EGFLAM: variants seen among roughly 807,000 people sequenced by gnomAD.
EGFLAM encodes the protein pikachurin.
In EGFLAM, 79 loss-of-function variants were observed where a neutral mutation model predicts 113.1. That is an observed-to-expected ratio of 0.70 (90% confidence interval 0.58 to 0.84). EGFLAM has a LOEUF of 0.84. EGFLAM is among the 40% of genes least tolerant of loss of function. EGFLAM has a pLI of 0.00. For missense variants in EGFLAM, 1,265 were observed against 1,291.6 expected (o/e 0.98, Z 0.32); for synonymous variants, 504 against 487.6 (o/e 1.03, Z -0.44).
intron 6 of EGFLAM, among the ~76,000 whole-genome samples, chr5:38,372,620 G>A (rs926950315): frequency 1.2e-4 from 18 of 152,302 alleles, no homozygotes; most frequent in Middle Eastern, 6.8e-3. Flanking sequence ...GTTATGTGAA[G>A]TAAAATTTTA....
At chr5:38,339,586 T>A (rs764454326) in intron 3 of EGFLAM, among the ~76,000 whole-genome samples, 1 of 152,228 alleles carries the variant, frequency 6.6e-6, no homozygotes, top group African/African-American at 2.4e-5. Flanking sequence ...GCCACCACCC[T>A]CTGTTTTACA....
At position 38,350,428 on chromosome 5, in the gene EGFLAM, C is replaced by G. The variant is rs1739589487; in HGVS notation, c.292-73C>G. 8 of 1,447,282 alleles carry G rather than the reference C, an allele frequency of 5.5e-6. No individual in the cohort carries two copies. In the Admixed American group the frequency reaches 1.4e-4, roughly 26 times the overall value. The allele number at this position is 1,447,282 out of a possible 1,614,324, so 89.7% of individuals were successfully genotyped here. The stretch of plus-strand genomic sequence containing the variant: ...TTCACAGGGGCCTCGAGATATAAAC[C>G]TCATGGAAATTGTACAATTTGCCCA... On this transcript the variant is annotated intron_variant, in intron 3 of 21. Transcript: ENST00000322350.
In EGFLAM at chr5:38,358,309, A is replaced by T. The variant is rs912635658; in HGVS notation, c.545+5978A>T. Among the ~76,000 whole-genome samples the T allele has an allele frequency of 7.3e-5, 11 of 150,890 alleles. No homozygotes were observed. In the East Asian group the frequency reaches 1.8e-3, roughly 24 times the overall value. ...AAAATTCAAAAAAGTTGGCCGGGCG[A>T]GGTGGCGGGCACCTGTAGTCCCAGC... On this transcript the variant is annotated intron_variant, in intron 5 of 21. Transcript: ENST00000322350.
At chr5:38,405,900 G>T (rs1561072178) in intron 6 of EGFLAM, among the ~76,000 whole-genome samples, 1 of 152,182 alleles carries the variant, frequency 6.6e-6, no homozygotes, top group Non-Finnish European at 1.5e-5. Flanking sequence ...AGTATAAAAT[G>T]GAAGCTCTTT....
intron 11 of EGFLAM, 97 bp downstream of exon 11, chr5:38,412,745 G>C: frequency 5.4e-6 from 8 of 1,486,026 alleles, no homozygotes; most frequent in Non-Finnish European, 7.1e-6. Flanking sequence ...GAGTCTGCAG[G>C]ATTCAAGTTC....
chr5:38,400,506 C>T (rs1009352835), intron 6 of EGFLAM, among the ~76,000 whole-genome samples: 2 of 152,182 alleles, frequency 1.3e-5, no homozygotes, highest in Admixed American at 6.5e-5. Flanking sequence ...ATTCTTATCA[C>T]TGGCTTGGAC....
At chr5:38,379,209 C>G (rs1224545043) in intron 6 of EGFLAM, among the ~76,000 whole-genome samples, 2 of 152,058 alleles carry the variant, frequency 1.3e-5, no homozygotes, top group African/African-American at 4.8e-5. Context: ...TTTCCCTTTA[C>G]CCACAGAGGG....
At chr5:38,386,071 CTTACGG>C (rs1329139703) in intron 6 of EGFLAM, among the ~76,000 whole-genome samples, 1 of 152,210 alleles carries the variant, frequency 6.6e-6, no homozygotes, top group Non-Finnish European at 1.5e-5. Context: ...GTATTATAAT[CTTACGG>C]GCCTACCATT....
chr5:38,277,759 T>C (rs1757921269), intron 1 of EGFLAM, among the ~76,000 whole-genome samples: 2 of 125,296 alleles, frequency 1.6e-5, no homozygotes, highest in South Asian at 5.0e-4. Flanking sequence ...TAGCAAACTG[T>C]CTGAAAAAGT....
Position 38,464,444 on chromosome 5 carries a change from T to C in EGFLAM, c.*458T>C, listed in dbSNP as rs183949356. 377 of 166,318 alleles carry C rather than the reference T, an allele frequency of 2.3e-3. 3 individuals carry two copies. The highest frequency in any genetic ancestry group is 8.6e-3 in the African/African-American group (360 of 42,010). The allele number at this position is 166,318 out of a possible 1,614,324, so 10.3% of individuals were successfully genotyped here. On this transcript the variant is annotated 3_prime_UTR_variant, in exon 22 of 22. Transcript: ENST00000322350. ...ACTGTGTGACCTTGAACTTCACATT[T>C]CCCACATTGGCCCTTGGATTGTTCG...
At chr5:38,418,836 T>C (rs1483345773) in intron 12 of EGFLAM, among the ~76,000 whole-genome samples, 1 of 152,220 alleles carries the variant, frequency 6.6e-6, no homozygotes, top group Non-Finnish European at 1.5e-5. Flanking sequence ...CTAGGCTTAT[T>C]TTTAAAGCAA....
At chr5:38,427,400 C>A in intron 14 of EGFLAM, 148 bp downstream of exon 14, 1 of 1,359,500 alleles carries the variant, frequency 7.4e-7, no homozygotes, top group Non-Finnish European at 9.9e-7. Flanking sequence ...ACTTGTCCTG[C>A]TTCAGGCAGA....
intron 12 of EGFLAM, among the ~76,000 whole-genome samples, chr5:38,420,947 T>C (rs1455695342): frequency 6.6e-6 from 1 of 152,200 alleles, no homozygotes; most frequent in Non-Finnish European, 1.5e-5. Flanking sequence ...CATGTTGGTG[T>C]TTTACATTTC....
intron 1 of EGFLAM, among the ~76,000 whole-genome samples, chr5:38,304,490 C>T (rs1401857303): frequency 2.0e-5 from 3 of 152,320 alleles, no homozygotes; most frequent in South Asian, 2.1e-4. Context: ...CTTCCCTGCT[C>T]AGTTCCCCTA....
chr5:38,384,294 A>T (rs1231484445), intron 6 of EGFLAM, among the ~76,000 whole-genome samples: 1 of 152,320 alleles, frequency 6.6e-6, no homozygotes, highest in Non-Finnish European at 1.5e-5. Flanking sequence ...CCACCAGATT[A>T]TGTGACTCTC....
intron 6 of EGFLAM, among the ~76,000 whole-genome samples, chr5:38,392,635 G>T (rs964643431): frequency 6.6e-6 from 1 of 150,752 alleles, no homozygotes; most frequent in Admixed American, 6.6e-5. Flanking sequence ...TTTTTGGGGG[G>T]GCGGTTCTCA....
chr5:38,260,956 A>G lies in EGFLAM; in HGVS notation c.97+2105A>G, dbSNP rs1326810733. Among the ~76,000 whole-genome samples, 3 of 152,128 alleles carry G rather than the reference A, an allele frequency of 2.0e-5. No individual in the cohort carries two copies. In the East Asian group the frequency reaches 5.8e-4, roughly 29 times the overall value. ...AGTATCCATATGGGAGTTTCTTTGT[A>G]CCTTGTTTCCTCAACAGAAATTGGT... On this transcript the variant is annotated intron_variant, in intron 1 of 21. Coordinates refer to ENST00000322350, the MANE Select transcript of EGFLAM (RefSeq NM_152403.4).
chr5:38,458,189 G>A (rs1579960482), intron 19 of EGFLAM, 122 bp from the exon 20 acceptor site: 1 of 787,628 alleles, frequency 1.3e-6, no homozygotes. Flanking sequence ...CTTGTTTTTT[G>A]TTAAGGAAAC....
intron 3 of EGFLAM, among the ~76,000 whole-genome samples, chr5:38,344,663 G>A (rs1376559026): frequency 2.6e-5 from 4 of 152,092 alleles, no homozygotes; most frequent in Non-Finnish European, 4.4e-5. Flanking sequence ...GAACTGTCTG[G>A]ATGTCACCTT....
Sources: allele counts gnomAD v4.1 joint callset (sites outside exome capture counted in the v4.1 genomes callset), GRCh38; gene constraint gnomAD v4.1.1; transcripts MANE v1.5; gene names NCBI Gene and HGNC (gene_info 2026-07-23, HGNC 2026-07-21).